EYS: variants seen among roughly 807,000 people sequenced by gnomAD.
EYS encodes protein eyes shut homolog.
In EYS, 250 loss-of-function variants were observed where a neutral mutation model predicts 282.1. The ratio of observed to expected loss-of-function variants is 0.89; its 90% CI spans 0.80 to 0.98. EYS has a LOEUF of 0.98. Among genes scored for constraint, EYS ranks in the 50% least tolerant of loss-of-function variants. The pLI, the probability that EYS is intolerant of heterozygous loss-of-function variation, is 0.00. For missense variants in EYS, 4,016 were observed against 3,709.0 expected (o/e 1.08, Z -2.15); for synonymous variants, 1,355 against 1,282.9 (o/e 1.06, Z -1.20).
chr6:65,319,204 CA>C (rs55687610), intron 11 of EYS, among the ~76,000 whole-genome samples: 189 of 44,390 alleles, frequency 4.3e-3, no homozygotes, highest in East Asian at 0.014. Context: ...ACTAAAAATG[CA>C]AAAAAAAAAA....
At chr6:64,718,228 A>C (rs1289497755) in intron 22 of EYS, among the ~76,000 whole-genome samples, 1 of 152,196 alleles carries the variant, frequency 6.6e-6, no homozygotes, top group Non-Finnish European at 1.5e-5. Context: ...GTAGGAATCC[A>C]CAACAGTGCA....
intron 33 of EYS, among the ~76,000 whole-genome samples, chr6:64,062,363 G>A (rs1771205896): frequency 2.6e-5 from 4 of 152,132 alleles, no homozygotes; most frequent in Admixed American, 2.6e-4. Context: ...CTTCTCTCAT[G>A]TACATTGTAT....
At chr6:64,284,692 C>A (rs1363129167) in intron 30 of EYS, among the ~76,000 whole-genome samples, 1 of 152,202 alleles carries the variant, frequency 6.6e-6, no homozygotes, top group Non-Finnish European at 1.5e-5. Context: ...TTCCATACAT[C>A]TTCTGAAATC....
At chr6:65,027,660 A>C (rs1483834033) in intron 13 of EYS, among the ~76,000 whole-genome samples, 1 of 152,188 alleles carries the variant, frequency 6.6e-6, no homozygotes, top group Non-Finnish European at 1.5e-5. Flanking sequence ...ATCATGCAAT[A>C]GGTACCTTTT....
chr6:64,349,447 T>C (rs201736519), intron 29 of EYS, among the ~76,000 whole-genome samples: 1 of 17,284 alleles, frequency 5.8e-5, no homozygotes, highest in Admixed American at 5.9e-4. Context: ...TAAATTAAGA[T>C]GCAAAAAATA....
At chr6:64,918,221 A>T (rs947874362) in intron 15 of EYS, among the ~76,000 whole-genome samples, 4 of 152,164 alleles carry the variant, frequency 2.6e-5, no homozygotes, top group Non-Finnish European at 5.9e-5. Flanking sequence ...ATTTGTAAAC[A>T]TTAAAAATAG....
chr6:65,108,057 T>C (rs565576586), intron 12 of EYS, among the ~76,000 whole-genome samples: 76 of 152,202 alleles, frequency 5.0e-4, no homozygotes, highest in African/African-American at 1.7e-3. Flanking sequence ...GGGAAAATAG[T>C]ATTTTGCATT....
intron 31 of EYS, among the ~76,000 whole-genome samples, chr6:64,182,522 A>G (rs1031304441): frequency 6.6e-6 from 1 of 152,024 alleles, no homozygotes; most frequent in African/African-American, 2.4e-5. Context: ...TGTTGTTTCT[A>G]CTGTATCATT....
chr6:65,267,219 A>G (rs1002300799), intron 12 of EYS, among the ~76,000 whole-genome samples: 2 of 151,824 alleles, frequency 1.3e-5, no homozygotes, highest in Non-Finnish European at 2.9e-5. Flanking sequence ...ATTGGGTAAA[A>G]TATTTCTCAG....
intron 26 of EYS, among the ~76,000 whole-genome samples, chr6:64,558,944 T>C (rs1018252695): frequency 3.3e-5 from 5 of 152,198 alleles, no homozygotes; most frequent in Admixed American, 6.6e-5. Context: ...TAATGCAGTG[T>C]GTCTTTGACT....
chr6:64,730,340 T>C (rs948840038), intron 22 of EYS, among the ~76,000 whole-genome samples: 13 of 152,190 alleles, frequency 8.5e-5, no homozygotes, highest in Admixed American at 8.5e-4. Context: ...AAGGAAGCTG[T>C]GATCACCTAG....
At chr6:65,648,492 G>A (rs1767537649) in intron 1 of EYS, among the ~76,000 whole-genome samples, 1 of 152,094 alleles carries the variant, frequency 6.6e-6, no homozygotes, top group Non-Finnish European at 1.5e-5. Flanking sequence ...ATTCATATGT[G>A]GGAACAGAGC....
intron 15 of EYS, among the ~76,000 whole-genome samples, chr6:64,927,665 G>A (rs1768562348): frequency 6.6e-6 from 1 of 151,868 alleles, no homozygotes; most frequent in Non-Finnish European, 1.5e-5. Context: ...TATCTCTTCT[G>A]CTAATAACAT....
Position 64,230,651 on chromosome 6 carries a change from C to A in EYS, c.6365G>T (p.Gly2122Val), listed in dbSNP as rs754675419. 3.2e-5 allele frequency: 49 copies of A among 1,551,376 alleles called. No homozygotes were observed. Among genetic ancestry groups the A allele is most frequent in the Non-Finnish European group, 3.6e-5 (41 of 1,146,872 alleles). ...ACAGTCACATTGGAATGACACTATGCCACTGGAGAGGAAGATGGCATGGCA... is the reference window on the plus strand; with the variant it reads ...ACAGTCACATTGGAATGACACTATGACACTGGAGAGGAAGATGGCATGGCA... ...GTCHAIFLSS[G>V]IVSFQCDCPL... Residue 2122 changes from glycine to valine, a missense_variant, in exon 31 of 43, where the codon GGC (glycine) becomes GTC (valine). By Grantham distance (109) the Gly-to-Val change is moderately radical. Transcript: ENST00000503581.
intron 12 of EYS, among the ~76,000 whole-genome samples, chr6:65,064,463 A>T (rs916217549): frequency 6.8e-6 from 1 of 146,226 alleles, no homozygotes; most frequent in Non-Finnish European, 1.5e-5. Flanking sequence ...ATATGATATG[A>T]TATATAGTAT....
intron 14 of EYS, among the ~76,000 whole-genome samples, chr6:64,964,804 G>A (rs1770039309): frequency 6.6e-6 from 1 of 152,066 alleles, no homozygotes; most frequent in East Asian, 1.9e-4. Flanking sequence ...GGCCAAGGCA[G>A]GCAGATCACT....
intron 24 of EYS, among the ~76,000 whole-genome samples, chr6:64,600,022 C>G (rs187235821): frequency 3.2e-4 from 49 of 152,222 alleles, no homozygotes; most frequent in African/African-American, 1.2e-3. Flanking sequence ...GTATATTTCA[C>G]TCTATTGACA....
chr6:64,166,488 A>T (rs746540798), intron 31 of EYS, among the ~76,000 whole-genome samples: 14 of 152,206 alleles, frequency 9.2e-5, no homozygotes, highest in Non-Finnish European at 1.3e-4. Context: ...GGTATTTTAT[A>T]GTCTGTAGAA....
chr6:64,736,456 CT>C (rs1434907493), intron 22 of EYS, among the ~76,000 whole-genome samples: 1 of 152,068 alleles, frequency 6.6e-6, no homozygotes, highest in Admixed American at 6.6e-5. Context: ...AGTCTTTACT[CT>C]TTTAGTGGTA....
Sources: gnomAD v4.1 joint callset for allele counts (sites outside exome capture counted in the v4.1 genomes callset) on GRCh38, gnomAD v4.1.1 for gene constraint, MANE v1.5 for transcripts, NCBI Gene and HGNC (gene_info 2026-07-23, HGNC 2026-07-21) for gene names.